PER3: variants seen among roughly 807,000 people sequenced by gnomAD.
The protein encoded by PER3 is period circadian protein homolog 3.
PER3 carries 107 observed loss-of-function variants against 127.2 expected under a neutral mutation model. The ratio of observed to expected loss-of-function variants is 0.84; its 90% CI spans 0.72 to 0.99. The LOEUF (loss-of-function observed/expected upper bound fraction) is 0.99, where lower values mean the gene tolerates loss of function less well. PER3 is among the 50% of genes least tolerant of loss of function. The pLI, the probability that PER3 is intolerant of heterozygous loss-of-function variation, is 0.00. For missense variants in PER3, 1,560 were observed against 1,525.8 expected (o/e 1.02, Z -0.37); for synonymous variants, 618 against 585.8 (o/e 1.05, Z -0.79).
chr1:7,809,593 T>A (rs1362701208), intron 11 of PER3, among the ~76,000 whole-genome samples: 1 of 152,202 alleles, frequency 6.6e-6, no homozygotes, highest in Non-Finnish European at 1.5e-5. Flanking sequence ...AAACTGGGCA[T>A]AAAGAACTAG....
intron 10 of PER3, 125 bp from the exon 11 acceptor site, chr1:7,808,768 T>G (rs2097206870): frequency 1.5e-6 from 1 of 652,530 alleles, no homozygotes; most frequent in Non-Finnish European, 2.8e-6. Context: ...TAGCCTCATA[T>G]TTTTTCTTTG....
intron 5 of PER3, among the ~76,000 whole-genome samples, chr1:7,789,169 T>G (rs1006186845): frequency 2.2e-5 from 3 of 137,374 alleles, no homozygotes; most frequent in African/African-American, 7.8e-5. Context: ...CAGCGTTCTC[T>G]TTGATTCCAA....
intron 3 of PER3, among the ~76,000 whole-genome samples, chr1:7,786,108 T>C (rs2097088784): frequency 6.6e-6 from 1 of 151,976 alleles, no homozygotes; most frequent in East Asian, 1.9e-4. Context: ...TACAAAAAAT[T>C]AGCCGGGTGT....
At chr1:7,806,098 T>C (rs1266110315) in intron 10 of PER3, among the ~76,000 whole-genome samples, 1 of 152,176 alleles carries the variant, frequency 6.6e-6, no homozygotes, top group African/African-American at 2.4e-5. Context: ...AAACCCACAC[T>C]GTAATGGGAG....
intron 6 of PER3, among the ~76,000 whole-genome samples, chr1:7,797,188 G>GTGTGAGCATGGA (rs74263033): frequency 2.6e-5 from 4 of 151,664 alleles, no homozygotes; most frequent in African/African-American, 7.3e-5. Context: ...AAGCTGGAAG[G>GTGTGAGCATGGA]TGTGAGCATG....
At chr1:7,787,989 G>A in intron 4 of PER3, 56 bp from the exon 5 acceptor site, 3 of 1,257,690 alleles carry the variant, frequency 2.4e-6, no homozygotes, top group Non-Finnish European at 3.5e-6. Flanking sequence ...TACCTTTCAG[G>A]GAATATTGCT....
Position 7,843,938 on chromosome 1 carries a change from G to A in PER3, c.*1183G>A, listed in dbSNP as rs2097401788. 8 of 1,282,834 alleles carry A rather than the reference G, an allele frequency of 6.2e-6. No individual in the cohort carries two copies. The highest frequency in any genetic ancestry group is 2.5e-5 in the Admixed American group (1 of 40,428). 79.5% of individuals were successfully genotyped at this position (1,282,834 alleles called of 1,614,324 possible). On this transcript the variant is annotated 3_prime_UTR_variant, in exon 22 of 22. Coordinates refer to ENST00000377532, the MANE Select transcript of PER3 (RefSeq NM_001377275.1). The stretch of plus-strand genomic sequence containing the variant: ...CCTTCTTAAACTTGGAATGATAGAT[G>A]AAATTCACACCCCTGCAGATCAGAA...
chr1:7,830,112 G>T lies in PER3; in HGVS notation c.3165G>T (p.Thr1055=), dbSNP rs75338263. 9.4e-4 allele frequency: 1,524 copies of T among 1,614,034 alleles called. 15 individuals carry two copies. In the African/African-American group the frequency reaches 0.019, roughly 20 times the overall value. Residue 1055 remains threonine, a synonymous_variant, in exon 19 of 22, where the codon ACG becomes ACT. Coordinates refer to ENST00000377532, the MANE Select transcript of PER3 (RefSeq NM_001377275.1). ...PSHPTATVLS[T]GSPPSESPSR... ...ATCCTACTGCCACTGTTCTGTCCAC[G>T]GGGTCACCTCCCAGCGAATCCCCAT...
At position 7,790,698 on chromosome 1, in the gene PER3, C is replaced by T. The variant is rs1409807706; in HGVS notation, c.592+2452C>T. On this transcript the variant is annotated intron_variant, in intron 5 of 21. Transcript: ENST00000377532. Reference sequence around the variant, plus strand: ...ATGTGACAAAGCAAGTCCCTTTCACCTATGAGCCTGTAAAATCCAAAGCAA... The same window carrying T: ...ATGTGACAAAGCAAGTCCCTTTCACTTATGAGCCTGTAAAATCCAAAGCAA... 3.9e-5 allele frequency among the ~76,000 whole-genome samples: 6 copies of T among 152,200 alleles called. No individual in the cohort carries two copies. In the East Asian group the frequency reaches 1.2e-3, roughly 29 times the overall value.
At chr1:7,838,105 A>G (rs2097366815) in intron 21 of PER3, among the ~76,000 whole-genome samples, 1 of 152,068 alleles carries the variant, frequency 6.6e-6, no homozygotes, top group Admixed American at 6.6e-5. Flanking sequence ...AAGAGAGTAA[A>G]GTTAGGTGTT....
chr1:7,793,943 A>G lies in PER3; in HGVS notation c.593-14A>G, dbSNP rs780086666. ...GATAAGAGGGAGTGACTGACCAGGC[A>G]TCTTTCTTTCTAGCAGCTGCACGGT... is the stretch of plus-strand genomic sequence containing the variant. On this transcript the variant is annotated splice_polypyrimidine_tract_variant and intron_variant, in intron 5 of 21. Transcript: ENST00000377532. The G allele has an allele frequency of 3.2e-5, 52 of 1,611,708 alleles. No individual in the cohort carries two copies. The highest frequency in any genetic ancestry group is 4.2e-5 in the Non-Finnish European group (50 of 1,177,748).
intron 13 of PER3, among the ~76,000 whole-genome samples, chr1:7,814,482 G>A (rs760587180): frequency 9.9e-5 from 15 of 152,098 alleles, no homozygotes; most frequent in Non-Finnish European, 1.6e-4. Flanking sequence ...TCTATACCTA[G>A]TGAAAACGAT....
At chr1:7,805,283 C>T (rs1041683284) in intron 10 of PER3, among the ~76,000 whole-genome samples, 1 of 152,082 alleles carries the variant, frequency 6.6e-6, no homozygotes, top group Non-Finnish European at 1.5e-5. Context: ...ATGCTGAGAT[C>T]GAGAAGTTAT....
intron 6 of PER3, among the ~76,000 whole-genome samples, chr1:7,797,636 TA>T (rs34920317): frequency 0.094 from 11,884 of 126,502 alleles, 496 homozygotes; most frequent in Middle Eastern, 0.23. Context: ...ACTCCGTCTT[TA>T]AAAAAAAAAA....
chr1:7,816,172 AAAG>A (rs1168006817), intron 13 of PER3, among the ~76,000 whole-genome samples: 3 of 152,068 alleles, frequency 2.0e-5, no homozygotes, highest in African/African-American at 4.8e-5. Flanking sequence ...ATAAGAGAAA[AAAG>A]AACAAATTGT....
intron 20 of PER3, among the ~76,000 whole-genome samples, chr1:7,836,200 G>A (rs1285698994): frequency 1.3e-5 from 2 of 152,136 alleles, no homozygotes; most frequent in African/African-American, 4.8e-5. Flanking sequence ...GTTTGTTTGT[G>A]ACAGAGTCTC....
chr1:7,830,260 A>G lies in PER3; in HGVS notation c.3214+99A>G, dbSNP rs1024348610. On this transcript the variant is annotated intron_variant, in intron 19 of 21. Transcript: ENST00000377532. ...GCCCCAGGCACTGATGTGGAAGTAC[A>G]AGGTTTTTTTTTCTTTTTCCCTTTT... The G allele has an allele frequency of 2.6e-5, 29 of 1,105,594 alleles. No individual in the cohort carries two copies. In the African/African-American group the frequency reaches 4.5e-4, roughly 17 times the overall value. 68.5% of individuals were successfully genotyped at this position (1,105,594 alleles called of 1,614,324 possible).
chr1:7,820,000 C>A, intron 14 of PER3, 115 bp from the exon 15 acceptor site: 1 of 1,033,894 alleles, frequency 9.7e-7, no homozygotes, highest in Non-Finnish European at 1.4e-6. Context: ...AAGACTTTAT[C>A]AAAGAAGAAA....
At chr1:7,828,530 CTTCT>C (rs1243246378) in intron 18 of PER3, among the ~76,000 whole-genome samples, 7 of 152,140 alleles carry the variant, frequency 4.6e-5, no homozygotes, top group Non-Finnish European at 1.0e-4. Flanking sequence ...GTACAATACC[CTTCT>C]TTAACAGATA....
Sources: allele counts gnomAD v4.1 joint callset (sites outside exome capture counted in the v4.1 genomes callset), GRCh38; gene constraint gnomAD v4.1.1; transcripts MANE v1.5; gene names NCBI Gene and HGNC (gene_info 2026-07-23, HGNC 2026-07-21).